NKAIN2: variants seen among roughly 807,000 people sequenced by gnomAD.
NKAIN2 encodes the protein sodium/potassium transporting ATPase interacting 2, also known as sodium/potassium-transporting ATPase subunit beta-1-interacting protein 2.
A neutral mutation model predicts 32.6 loss-of-function variants in NKAIN2; 14 were observed. The observed-to-expected ratio is 0.43, with a 90% CI of 0.28 to 0.67. The LOEUF (loss-of-function observed/expected upper bound fraction) is 0.67. Among genes scored for constraint, NKAIN2 ranks in the 30% least tolerant of loss-of-function variants. The pLI is 0.17. For missense variants in NKAIN2, 198 were observed against 258.3 expected (o/e 0.77, Z 1.60); for synonymous variants, 80 against 87.2 (o/e 0.92, Z 0.46).
rs1453258467 is a variant in NKAIN2, at chr6:124,546,666, A to C, written c.274-111520A>C. 2.6e-5 allele frequency among the ~76,000 whole-genome samples: 4 copies of C among 152,262 alleles called. No homozygotes were observed. The Middle Eastern group carries it at 0.01, about 388-fold the overall frequency. ...CACTACAAAGGTACATCAAAAGTAG[A>C]TATGCTTCCCCCTCAAGAAATTTTA... is the stretch of plus-strand genomic sequence containing the variant. On this transcript the variant is annotated intron_variant, in intron 3 of 6. Transcript: ENST00000368417.
intron 1 of NKAIN2, among the ~76,000 whole-genome samples, chr6:124,066,519 T>C (rs931612082): frequency 1.3e-5 from 2 of 152,158 alleles, no homozygotes; most frequent in African/African-American, 4.8e-5. Context: ...GAGTTATGGA[T>C]CTTGATTCAT....
intron 3 of NKAIN2, among the ~76,000 whole-genome samples, chr6:124,365,310 A>T (rs1366646024): frequency 6.6e-6 from 1 of 151,900 alleles, no homozygotes; most frequent in East Asian, 1.9e-4. Flanking sequence ...CTTAAATAGG[A>T]TTTAAATTAT....
At chr6:124,389,140 T>C (rs1400394624) in intron 3 of NKAIN2, among the ~76,000 whole-genome samples, 1 of 152,120 alleles carries the variant, frequency 6.6e-6, no homozygotes, top group African/African-American at 2.4e-5. Context: ...AACCTAACAC[T>C]GTATTTCCCC....
chr6:124,819,596 G>T (rs182574438), intron 6 of NKAIN2, among the ~76,000 whole-genome samples: 2 of 151,922 alleles, frequency 1.3e-5, no homozygotes, highest in African/African-American at 4.8e-5. Flanking sequence ...TAAGTTTTTC[G>T]GTCTCTTCCT....
At chr6:124,109,713 G>C (rs919669644) in intron 1 of NKAIN2, among the ~76,000 whole-genome samples, 4 of 151,946 alleles carry the variant, frequency 2.6e-5, no homozygotes, top group Admixed American at 6.6e-5. Context: ...TTCTGTTCTT[G>C]TTAAGTCTGA....
intron 1 of NKAIN2, among the ~76,000 whole-genome samples, chr6:124,282,037 A>G (rs937902299): frequency 6.6e-6 from 1 of 152,138 alleles, no homozygotes; most frequent in African/African-American, 2.4e-5. Context: ...GGCAGGAAGA[A>G]TAAAGCCAAC....
At chr6:124,704,443 C>T (rs1774948782) in intron 4 of NKAIN2, among the ~76,000 whole-genome samples, 2 of 151,942 alleles carry the variant, frequency 1.3e-5, no homozygotes, top group African/African-American at 4.8e-5. Flanking sequence ...ATACCCAAGA[C>T]AGACCAAGAT....
At chr6:124,312,469 C>G (rs978021813) in intron 2 of NKAIN2, among the ~76,000 whole-genome samples, 2 of 152,128 alleles carry the variant, frequency 1.3e-5, no homozygotes, top group Non-Finnish European at 2.9e-5. Context: ...GTTAGATTAA[C>G]CTGCTAGGAC....
At chr6:124,634,472 A>T (rs1361607055) in intron 3 of NKAIN2, among the ~76,000 whole-genome samples, 2 of 152,150 alleles carry the variant, frequency 1.3e-5, no homozygotes, top group Non-Finnish European at 2.9e-5. Context: ...ACAATTGAGC[A>T]CTTCAATAAT....
At chr6:123,813,855 CTT>C (rs5879698) in intron 1 of NKAIN2, among the ~76,000 whole-genome samples, 30 of 141,916 alleles carry the variant, frequency 2.1e-4, no homozygotes, top group African/African-American at 7.0e-4. Context: ...AGCTCTGGAC[CTT>C]TTTTTTTTTT....
rs531340220 is a variant in NKAIN2, at chr6:124,225,109, G to A, written c.55-57896G>A. Among the ~76,000 whole-genome samples, 10 of 152,006 alleles carry A rather than the reference G, an allele frequency of 6.6e-5. No homozygotes were observed. In the South Asian group the frequency reaches 2.1e-3, roughly 32 times the overall value. On this transcript the variant is annotated intron_variant, in intron 1 of 6. Coordinates refer to ENST00000368417, the MANE Select transcript of NKAIN2 (RefSeq NM_001040214.3). ...TTCAATATAGATTGCTTTGTTTTCAGAGCTGTCTACTCATAAAAAATAAAG... is the reference window on the plus strand; with the variant it reads ...TTCAATATAGATTGCTTTGTTTTCAAAGCTGTCTACTCATAAAAAATAAAG...
chr6:124,485,639 G>C (rs779824876), intron 3 of NKAIN2, among the ~76,000 whole-genome samples: 8 of 152,116 alleles, frequency 5.3e-5, no homozygotes, highest in Non-Finnish European at 1.0e-4. Flanking sequence ...AGTGATAGCT[G>C]ATTATAATTT....
At chr6:124,052,692 T>C (rs921556508) in intron 1 of NKAIN2, among the ~76,000 whole-genome samples, 1 of 152,038 alleles carries the variant, frequency 6.6e-6, no homozygotes, top group African/African-American at 2.4e-5. Context: ...TGGCAGAATA[T>C]GGCAAATACC....
intron 4 of NKAIN2, among the ~76,000 whole-genome samples, chr6:124,761,352 C>T (rs9372792): frequency 0.14 from 20,871 of 152,092 alleles, 1,713 homozygotes; most frequent in East Asian, 0.4. Flanking sequence ...CCCATTTATA[C>T]TCAGATGATG....
At chr6:124,054,555 A>C (rs9491061) in intron 1 of NKAIN2, among the ~76,000 whole-genome samples, 1,867 of 152,142 alleles carry the variant, frequency 0.012, 49 homozygotes, top group African/African-American at 0.042. Context: ...ACAAATGATC[A>C]AGCTAGGGAA....
chr6:124,373,966 C>A (rs1289554885), intron 3 of NKAIN2, among the ~76,000 whole-genome samples: 2 of 151,896 alleles, frequency 1.3e-5, no homozygotes, highest in African/African-American at 2.4e-5. Context: ...GAGGTTTGTT[C>A]ATTTGTTTTT....
chr6:124,384,691 G>A (rs766033549), intron 3 of NKAIN2, among the ~76,000 whole-genome samples: 3 of 145,078 alleles, frequency 2.1e-5, no homozygotes, highest in Non-Finnish European at 3.1e-5. Context: ...CATGATTATG[G>A]CTCACTGCAG....
intron 1 of NKAIN2, among the ~76,000 whole-genome samples, chr6:123,996,733 G>C (rs919628319): frequency 6.6e-6 from 1 of 151,874 alleles, no homozygotes; most frequent in East Asian, 1.9e-4. Context: ...TTGATTATTT[G>C]TTGAAATAAG....
intron 3 of NKAIN2, among the ~76,000 whole-genome samples, chr6:124,508,590 G>A (rs1778586981): frequency 6.6e-6 from 1 of 151,894 alleles, no homozygotes; most frequent in Non-Finnish European, 1.5e-5. Flanking sequence ...TGATCTGCCC[G>A]CCTCGGCCTC....
Sources: allele counts gnomAD v4.1 joint callset (sites outside exome capture counted in the v4.1 genomes callset), GRCh38; gene constraint gnomAD v4.1.1; transcripts MANE v1.5; gene names NCBI Gene and HGNC (gene_info 2026-07-23, HGNC 2026-07-21).